The following PRDM16 variants were observed in gnomAD, a reference collection of about 807,000 sequenced individuals.
PRDM16 encodes PR/SET domain 16.
Under a neutral mutation model 110.6 loss-of-function variants are expected in PRDM16, and 23 were observed. The ratio of observed to expected loss-of-function variants is 0.21; its 90% CI spans 0.15 to 0.29. The LOEUF is 0.29. Ranked by LOEUF, PRDM16 falls within the 10% of genes least tolerant of loss-of-function variation. PRDM16 has a pLI of 1.00. For synonymous variants in PRDM16, 799 were observed against 781.8 expected (o/e 1.02, Z -0.37); for missense variants, 1,615 against 1,794.3 (o/e 0.90, Z 1.81).
chr1:3,205,807 G>C (rs1301407039), intron 2 of PRDM16, among the ~76,000 whole-genome samples: 2 of 152,144 alleles, frequency 1.3e-5, no homozygotes, highest in Non-Finnish European at 2.9e-5. Flanking sequence ...CCCAGGGGCA[G>C]CTGATCTGAG....
At chr1:3,117,465 T>G (rs2100654922) in intron 1 of PRDM16, among the ~76,000 whole-genome samples, 1 of 152,074 alleles carries the variant, frequency 6.6e-6, no homozygotes, top group South Asian at 2.1e-4. Flanking sequence ...GCCTGTGAGG[T>G]GCATGTCTGG....
rs1643694229 is a variant in PRDM16 at position 3,411,900 on chromosome 1, G to T, written c.1703G>T (p.Gly568Val). Residue 568 changes from glycine (G) to valine (V), a missense_variant, in exon 9 of 17, where the codon GGC becomes GTC. Coordinates refer to ENST00000270722, the MANE Select transcript of PRDM16 (RefSeq NM_022114.4). ...LVSAVSNSSQ[G>V]TTAAAGPEEK... ...TCCGCCGTCAGCAACAGCAGCCAGG[G>T]CACGACGGCAGCTGCGGGGCCCGAG... 2 of 1,613,526 alleles carry T rather than the reference G, an allele frequency of 1.2e-6. No individual in the cohort carries two copies. The highest frequency in any genetic ancestry group is 1.7e-6 in the Non-Finnish European group (2 of 1,179,842).
At chr1:3,343,034 A>C (rs1425702710) in intron 3 of PRDM16, among the ~76,000 whole-genome samples, 1 of 152,050 alleles carries the variant, frequency 6.6e-6, no homozygotes, top group Non-Finnish European at 1.5e-5. Flanking sequence ...AAAATTGTTC[A>C]CTAGTAGGAT....
intron 7 of PRDM16, among the ~76,000 whole-genome samples, chr1:3,405,195 C>T (rs1643539585): frequency 6.6e-6 from 1 of 152,194 alleles, no homozygotes; most frequent in Non-Finnish European, 1.5e-5. Flanking sequence ...AGCCTCCACC[C>T]CGAGCCCGCC....
At chr1:3,362,061 C>A (rs994690163) in intron 3 of PRDM16, among the ~76,000 whole-genome samples, 1 of 152,092 alleles carries the variant, frequency 6.6e-6, no homozygotes, top group Non-Finnish European at 1.5e-5. Context: ...TGCTGGTAGC[C>A]AGCTGGTCCC....
intron 1 of PRDM16, among the ~76,000 whole-genome samples, chr1:3,083,891 C>G (rs992449509): frequency 3.3e-5 from 5 of 152,222 alleles, no homozygotes; most frequent in Admixed American, 3.3e-4. Context: ...GGTGCCCACA[C>G]ACGCATGGAA....
chr1:3,090,542 C>T (rs1642253910), intron 1 of PRDM16, among the ~76,000 whole-genome samples: 2 of 152,378 alleles, frequency 1.3e-5, no homozygotes, highest in South Asian at 4.1e-4. Flanking sequence ...GAAGCAAAGA[C>T]TGGGCTCCCT....
intron 1 of PRDM16, among the ~76,000 whole-genome samples, chr1:3,085,038 G>A (rs771514401): frequency 6.6e-6 from 1 of 152,158 alleles, no homozygotes; most frequent in Non-Finnish European, 1.5e-5. Context: ...CCCTTTTCCT[G>A]CACCCCTTGG....
Position 3,232,332 on chromosome 1 carries a change from G to A in PRDM16, c.388-11755G>A, listed in dbSNP as rs372831609. Among the ~76,000 whole-genome samples the A allele has an allele frequency of 6.0e-4, 92 of 152,306 alleles. 1 individual carries two copies. The highest frequency in any genetic ancestry group is 1.1e-3 in the Non-Finnish European group (74 of 68,032). ...ATTTGCTGGCCCTGTGACATTGGAC[G>A]ACTTAACCTAACCTCTCTGAGCCTC... On this transcript the variant is annotated intron_variant, in intron 2 of 16. Transcript: ENST00000270722.
intron 3 of PRDM16, among the ~76,000 whole-genome samples, chr1:3,334,333 G>C (rs1642102436): frequency 1.3e-5 from 2 of 152,088 alleles, no homozygotes. Context: ...ACCACGTCAG[G>C]GACTTCCATC....
intron 1 of PRDM16, among the ~76,000 whole-genome samples, chr1:3,075,053 TGGGCTTTTGCCATCAAATCCTCCAC>T (rs1260916031): frequency 1.3e-5 from 2 of 152,242 alleles, no homozygotes; most frequent in Non-Finnish European, 2.9e-5. Flanking sequence ...ACTTCACTCT[TGGGCTTTTGCCATCAAATCCTCCAC>T]GGTCTGGAGG....
intron 3 of PRDM16, among the ~76,000 whole-genome samples, chr1:3,322,062 G>A (rs1205401942): frequency 6.6e-6 from 1 of 150,908 alleles, no homozygotes; most frequent in African/African-American, 2.4e-5. Flanking sequence ...TGTGTGTGTG[G>A]GGAGTGCACG....
At chr1:3,424,302 C>A (rs911411740) in intron 12 of PRDM16, among the ~76,000 whole-genome samples, 1 of 152,360 alleles carries the variant, frequency 6.6e-6, no homozygotes, top group East Asian at 1.9e-4. Context: ...TGGGAGAGAA[C>A]AACCCTCCCT....
chr1:3,201,655 G>A lies in PRDM16; in HGVS notation c.387+15181G>A, dbSNP rs1293142407. 6.6e-6 allele frequency among the ~76,000 whole-genome samples: 1 copy of A among 152,214 alleles called. No homozygotes were observed. Among genetic ancestry groups the A allele is most frequent in the Non-Finnish European group, 1.5e-5 (1 of 68,032 alleles). On this transcript the variant is annotated intron_variant, in intron 2 of 16. Coordinates refer to ENST00000270722, the MANE Select transcript of PRDM16 (RefSeq NM_022114.4). This position sits in a 1 kb window ranked among gnomAD's most constrained non-coding sequence, Gnocchi z 4.1. ...TCTGACGTTTCTCCAGTGACCCCTG[G>A]CAGGTCGGGGACCCCAGCCACTTCC...
At chr1:3,334,466 C>T (rs1395917485) in intron 3 of PRDM16, among the ~76,000 whole-genome samples, 1 of 151,964 alleles carries the variant, frequency 6.6e-6, no homozygotes. Flanking sequence ...TGAAGCATGG[C>T]TGAGGACCAG....
chr1:3,312,655 G>A (rs1641491593), intron 3 of PRDM16, among the ~76,000 whole-genome samples: 1 of 152,242 alleles, frequency 6.6e-6, no homozygotes, highest in African/African-American at 2.4e-5. Context: ...TGCAGAACCC[G>A]GCCTCGGCCA....
chr1:3,072,677 G>GTC (rs925864522), intron 1 of PRDM16, among the ~76,000 whole-genome samples: 36 of 152,274 alleles, frequency 2.4e-4, no homozygotes, highest in African/African-American at 8.2e-4. Flanking sequence ...AGTTGGCCCC[G>GTC]TCCACCAGTC....
intron 3 of PRDM16, among the ~76,000 whole-genome samples, chr1:3,305,606 G>A (rs750285237): frequency 1.3e-4 from 19 of 151,376 alleles, no homozygotes; most frequent in Admixed American, 4.0e-4. Flanking sequence ...AAAATCCTTC[G>A]TGGAGTCAAC....
At chr1:3,116,966 C>G (rs1422582520) in intron 1 of PRDM16, among the ~76,000 whole-genome samples, 1 of 152,240 alleles carries the variant, frequency 6.6e-6, no homozygotes, top group Non-Finnish European at 1.5e-5. Context: ...ATCAGGACTT[C>G]TGGTCCATAT....
Sources: gnomAD v4.1 joint callset for allele counts (sites outside exome capture counted in the v4.1 genomes callset) on GRCh38, gnomAD v4.1.1 for gene constraint, Gnocchi (gnomAD v3.1) non-coding constraint, MANE v1.5 for transcripts, NCBI Gene and HGNC (gene_info 2026-07-23, HGNC 2026-07-21) for gene names.